TAS2R1: variants seen among roughly 807,000 people sequenced by gnomAD.
The protein encoded by TAS2R1 is taste receptor type 2 member 1.
For synonymous variants in TAS2R1, 141 were observed against 134.2 expected, an observed-to-expected ratio of 1.05 and a Z score of -0.35; for missense variants, 370 against 353.4, an observed-to-expected ratio of 1.05 and a Z score of -0.38.
chr5:9,711,831 T>G (rs1157614640), intron 1 of TAS2R1, among the ~76,000 whole-genome samples: 1 of 61,654 alleles, frequency 1.6e-5, no homozygotes, highest in Non-Finnish European at 4.8e-5. Flanking sequence ...CCTGGCTAAT[T>G]TTTTGTATTT....
the TAS2R1 span, among the ~76,000 whole-genome samples, chr5:9,809,873 T>C: frequency 6.6e-6 from 1 of 152,214 alleles, no homozygotes; most frequent in African/African-American, 2.4e-5. Flanking sequence ...TAAAATATTT[T>C]TTAAAACGCA....
At chr5:9,831,785 T>C in the TAS2R1 span, among the ~76,000 whole-genome samples, 3 of 152,174 alleles carry the variant, frequency 2.0e-5, no homozygotes, top group Non-Finnish European at 4.4e-5. Flanking sequence ...TCTTCACAAG[T>C]CTTACCTCCC....
chr5:9,758,896 TAAAATAAAC>T, the TAS2R1 span, among the ~76,000 whole-genome samples: 1 of 152,154 alleles, frequency 6.6e-6, no homozygotes, highest in Non-Finnish European at 1.5e-5. Context: ...CATACAAATA[TAAAATAAAC>T]AGGGGTGAAC....
chr5:9,753,275 T>C, the TAS2R1 span, among the ~76,000 whole-genome samples: 1 of 152,246 alleles, frequency 6.6e-6, no homozygotes, highest in Non-Finnish European at 1.5e-5. Context: ...ATTGTGGTTT[T>C]GATTTGCATT....
chr5:9,827,804 C>T, the TAS2R1 span, among the ~76,000 whole-genome samples: 3 of 152,100 alleles, frequency 2.0e-5, no homozygotes, highest in Non-Finnish European at 4.4e-5. Context: ...AAATAAAATA[C>T]AAATTAAGTA....
At chr5:9,647,524 C>T (rs1740215217) in intron 2 of TAS2R1, among the ~76,000 whole-genome samples, 1 of 152,020 alleles carries the variant, frequency 6.6e-6, no homozygotes, top group South Asian at 2.1e-4. Flanking sequence ...ACCTCCTCCT[C>T]AAAATGTGAG....
chr5:9,880,546 C>T, the TAS2R1 span, among the ~76,000 whole-genome samples: 3 of 152,192 alleles, frequency 2.0e-5, no homozygotes, highest in Non-Finnish European at 4.4e-5. Flanking sequence ...TATAGAGGGG[C>T]TGTCCTTCAC....
At chr5:9,821,557 A>C in the TAS2R1 span, among the ~76,000 whole-genome samples, 2 of 152,254 alleles carry the variant, frequency 1.3e-5, no homozygotes, top group Non-Finnish European at 2.9e-5. Flanking sequence ...AACTGAAATG[A>C]AGAAACAAGA....
chr5:9,699,624 T>C (rs1005032052), intron 1 of TAS2R1, among the ~76,000 whole-genome samples: 1 of 152,112 alleles, frequency 6.6e-6, no homozygotes, highest in African/African-American at 2.4e-5. Flanking sequence ...TAATTACTCA[T>C]AGAAGGACCA....
chr5:9,725,264 G>C, the TAS2R1 span, among the ~76,000 whole-genome samples: 239 of 152,368 alleles, frequency 1.6e-3, no homozygotes, highest in African/African-American at 5.6e-3. Context: ...TTCTGGGCTG[G>C]CCAAGGCCGG....
At chr5:9,653,778 A>C (rs116032517) in intron 2 of TAS2R1, among the ~76,000 whole-genome samples, 1 of 151,906 alleles carries the variant, frequency 6.6e-6, no homozygotes, top group Non-Finnish European at 1.5e-5. Context: ...TTTAATGAAT[A>C]TATCTGAAAA....
chr5:9,884,937 C>T, the TAS2R1 span, among the ~76,000 whole-genome samples: 1 of 152,214 alleles, frequency 6.6e-6, no homozygotes, highest in Non-Finnish European at 1.5e-5. Flanking sequence ...CATTCACTCT[C>T]AGTCTTAAAT....
chr5:9,685,117 G>T (rs1475223316), intron 1 of TAS2R1, among the ~76,000 whole-genome samples: 1 of 152,150 alleles, frequency 6.6e-6, no homozygotes, highest in Non-Finnish European at 1.5e-5. Flanking sequence ...AGAAGGGTCT[G>T]GATTAGCAGC....
chr5:9,780,121 C>T, the TAS2R1 span, among the ~76,000 whole-genome samples: 1 of 152,214 alleles, frequency 6.6e-6, no homozygotes, highest in Non-Finnish European at 1.5e-5. Context: ...TTTCCTTTGA[C>T]ATAGAAGACT....
the TAS2R1 span, among the ~76,000 whole-genome samples, chr5:9,868,270 G>C: frequency 6.6e-6 from 1 of 152,212 alleles, no homozygotes; most frequent in Non-Finnish European, 1.5e-5. Context: ...GATTCTCCAT[G>C]AGGGCCCTGC....
At chr5:9,683,794 C>T (rs187588103) in intron 1 of TAS2R1, among the ~76,000 whole-genome samples, 122 of 152,300 alleles carry the variant, frequency 8.0e-4, no homozygotes, top group African/African-American at 2.9e-3. Flanking sequence ...TTCTCCTTCC[C>T]CCAACCCCAA....
the TAS2R1 span, among the ~76,000 whole-genome samples, chr5:9,832,023 C>T: frequency 6.6e-6 from 1 of 152,196 alleles, no homozygotes; most frequent in African/African-American, 2.4e-5. Flanking sequence ...CCAACTAGCA[C>T]CAGGGCCAGC....
chr5:9,710,138 C>T (rs1263583479), intron 1 of TAS2R1, among the ~76,000 whole-genome samples: 1 of 152,278 alleles, frequency 6.6e-6, no homozygotes, highest in Admixed American at 6.5e-5. Context: ...AGAGGATTGG[C>T]TGTCTCCTTT....
At position 9,696,098 on chromosome 5, in the gene TAS2R1, T is replaced by C. The variant is rs188787483; in HGVS notation, c.-242+16074A>G. Among the ~76,000 whole-genome samples, 129 of 152,276 alleles carry C rather than the reference T, an allele frequency of 8.5e-4. 2 individuals are homozygous for C. The Middle Eastern group carries it at 0.014, about 16-fold the overall frequency. Reference sequence around the variant, plus strand: ...AAAGCCAGAGGGAGAGTAAAACATTTGCAGTTTCTCCTATGACCCGGTAGA... The same window carrying C: ...AAAGCCAGAGGGAGAGTAAAACATTCGCAGTTTCTCCTATGACCCGGTAGA... On this transcript the variant is annotated intron_variant, in intron 1 of 2. Transcript: ENST00000506620.
Sources: gnomAD v4.1 joint callset for allele counts (sites outside exome capture counted in the v4.1 genomes callset) on GRCh38, gnomAD v4.1.1 for gene constraint, MANE v1.5 for transcripts, NCBI Gene and HGNC (gene_info 2026-07-23, HGNC 2026-07-21) for gene names.